Variants in CRKL observed in about 807,000 individuals in gnomAD.
CRKL encodes the protein CRK like proto-oncogene, adaptor protein, also known as crk-like protein.
Under a neutral mutation model 23.0 loss-of-function variants are expected in CRKL, and 3 were observed. That is an observed-to-expected ratio of 0.13 (90% CI 0.06 to 0.34). The LOEUF (loss-of-function observed/expected upper bound fraction) is 0.34, where lower values mean the gene tolerates loss of function less well. Ranked by LOEUF, CRKL falls within the 10% of genes least tolerant of loss-of-function variation. The pLI, the probability that CRKL is intolerant of heterozygous loss-of-function variation, is 1.00. For synonymous variants in CRKL, 188 were observed against 160.7 expected (o/e 1.17, Z -1.28); for missense variants, 256 against 394.5 (o/e 0.65, Z 2.97).
In CRKL at chr22:20,917,805, C is replaced by A; in HGVS notation, c.-130C>A. The A allele has an allele frequency of 1.1e-6, 1 of 874,468 alleles. No individual in the cohort carries two copies. Among genetic ancestry groups the A allele is most frequent in the Non-Finnish European group, 1.7e-6 (1 of 583,176 alleles). 54.2% of individuals were successfully genotyped at this position (874,468 alleles called of 1,614,324 possible). A position where few individuals can be genotyped will look rare whatever the true frequency, so the allele number is the denominator to read the frequency against. Reference sequence around the variant, plus strand: ...AGCCGAGAGGAAAGTGCTGGCCCAGCCCTCTGAGCGCTCCTCGAGGTGTGC... The same window carrying A: ...AGCCGAGAGGAAAGTGCTGGCCCAGACCTCTGAGCGCTCCTCGAGGTGTGC... On this transcript the variant is annotated 5_prime_UTR_variant, in exon 1 of 3. Coordinates refer to ENST00000354336, the MANE Select transcript of CRKL (RefSeq NM_005207.4).
intron 1 of CRKL, among the ~76,000 whole-genome samples, chr22:20,919,145 T>C (rs1051892808): frequency 6.6e-6 from 1 of 151,928 alleles, no homozygotes; most frequent in African/African-American, 2.4e-5. Flanking sequence ...AACCAAAATA[T>C]CAGAACTGTA....
Position 20,918,252 on chromosome 22 carries a change from G to C in CRKL, c.311+7G>C, listed in dbSNP as rs1929762861. The C allele has an allele frequency of 6.2e-7, 1 of 1,612,764 alleles. No individual in the cohort carries two copies. The highest frequency in any genetic ancestry group is 2.2e-5 in the East Asian group (1 of 44,864). The stretch of plus-strand genomic sequence containing the variant: ...TCATCGAGCCTGCGCCCAGGTACGC[G>C]AGAGCCCTCCCCGACCGCGGAGGAA... On this transcript the variant is annotated splice_region_variant and intron_variant, in intron 1 of 2. Transcript: ENST00000354336.
chr22:20,939,720 GT>G (rs1921795520), intron 2 of CRKL, among the ~76,000 whole-genome samples: 1 of 151,440 alleles, frequency 6.6e-6, no homozygotes, highest in Non-Finnish European at 1.5e-5. Context: ...TCCCTCTTGA[GT>G]TTTGTAGTTT....
Position 20,952,081 on chromosome 22 carries a change from G to A in CRKL, c.*2236G>A, listed in dbSNP as rs1337161985. On this transcript the variant is annotated 3_prime_UTR_variant, in exon 3 of 3. Coordinates refer to ENST00000354336, the MANE Select transcript of CRKL (RefSeq NM_005207.4). ...TTTGGCCAGTGACGTGGTTCATCCCGGCCCATGTTGAGCCATGAGTGGAGT... is the reference window on the plus strand; with the variant it reads ...TTTGGCCAGTGACGTGGTTCATCCCAGCCCATGTTGAGCCATGAGTGGAGT... The A allele has an allele frequency of 4.4e-6, 1 of 227,160 alleles. No homozygotes were observed. The highest frequency in any genetic ancestry group is 8.7e-6 in the Non-Finnish European group (1 of 114,338). The allele number at this position is 227,160 out of a possible 1,614,324, so 14.1% of individuals were successfully genotyped here. A position where few individuals can be genotyped will look rare whatever the true frequency, so the allele number is the denominator to read the frequency against.
At chr22:20,935,974 A>G (rs985334028) in intron 2 of CRKL, among the ~76,000 whole-genome samples, 2 of 152,090 alleles carry the variant, frequency 1.3e-5, no homozygotes, top group African/African-American at 4.8e-5. Context: ...GGTCACAGAC[A>G]TGGTGAAACC....
At chr22:20,923,393 C>G (rs1231813508) in intron 1 of CRKL, among the ~76,000 whole-genome samples, 4 of 151,692 alleles carry the variant, frequency 2.6e-5, no homozygotes, top group Non-Finnish European at 4.4e-5. Context: ...TCTCCTGCCT[C>G]AGCCTCTTGA....
chr22:20,919,156 T>A (rs1407957915), intron 1 of CRKL, among the ~76,000 whole-genome samples: 2 of 152,116 alleles, frequency 1.3e-5, no homozygotes, highest in African/African-American at 2.4e-5. Flanking sequence ...CAGAACTGTA[T>A]ATTGATACTG....
chr22:20,940,067 G>A (rs997902561), intron 2 of CRKL, among the ~76,000 whole-genome samples: 1 of 152,118 alleles, frequency 6.6e-6, no homozygotes, highest in Non-Finnish European at 1.5e-5. Flanking sequence ...TGGGATTATA[G>A]GCATGAGCCA....
intron 2 of CRKL, among the ~76,000 whole-genome samples, chr22:20,942,049 A>G (rs1278487759): frequency 6.6e-6 from 1 of 152,166 alleles, no homozygotes; most frequent in Non-Finnish European, 1.5e-5. Context: ...GGGTTCACAG[A>G]GAGAAGTTTA....
intron 2 of CRKL, among the ~76,000 whole-genome samples, chr22:20,943,015 A>AT (rs1372029813): frequency 1.3e-5 from 2 of 151,994 alleles, no homozygotes; most frequent in African/African-American, 4.8e-5. Context: ...GCCAAAAAAA[A>AT]ATTCTTCCAC....
At chr22:20,927,136 AG>A (rs1921242211) in intron 1 of CRKL, among the ~76,000 whole-genome samples, 9 of 139,974 alleles carry the variant, frequency 6.4e-5, no homozygotes, top group African/African-American at 2.1e-4. Flanking sequence ...AAAAAAAAAA[AG>A]AATGGTGGTT....
intron 1 of CRKL, among the ~76,000 whole-genome samples, chr22:20,919,341 A>G (rs1929804474): frequency 6.6e-6 from 1 of 152,166 alleles, no homozygotes; most frequent in Admixed American, 6.6e-5. Flanking sequence ...CCAAGGTGGA[A>G]TTAGGCTAGA....
intron 2 of CRKL, among the ~76,000 whole-genome samples, chr22:20,937,879 T>A (rs912054715): frequency 7.5e-5 from 11 of 146,840 alleles, no homozygotes; most frequent in African/African-American, 2.8e-4. Context: ...ATAAGTAAAT[T>A]TTTTTTTTTT....
chr22:20,941,576 GTGTATA>G (rs1416427526), intron 2 of CRKL, among the ~76,000 whole-genome samples: 1 of 40,546 alleles, frequency 2.5e-5, no homozygotes, highest in African/African-American at 9.9e-5. Context: ...GTGTGTGTGT[GTGTATA>G]TATATATTTT....
At position 20,933,813 on chromosome 22, in the gene CRKL, C is replaced by T. The variant is rs376691633; in HGVS notation, c.346C>T (p.Pro116Ser). 1 of 1,614,028 alleles carries T rather than the reference C, an allele frequency of 6.2e-7. No homozygotes were observed. Among genetic ancestry groups the T allele is most frequent in the African/African-American group, 1.3e-5 (1 of 75,016 alleles). The change falls in exon 2 of 3, where the codon CCC becomes TCC. Residue 116 changes from proline (P) to serine (S), a missense_variant. Transcript: ENST00000354336. The stretch of plus-strand genomic sequence containing the variant: ...CCCACCAATGGGATCTGTCTCAGCA[C>T]CCAACCTGCCTACAGCAGAAGATAA... ...PSPPMGSVSA[P>S]NLPTAEDNLE...
Position 20,951,159 on chromosome 22 carries a change from T to G in CRKL, c.*1314T>G. On this transcript the variant is annotated 3_prime_UTR_variant, in exon 3 of 3. Coordinates refer to ENST00000354336, the MANE Select transcript of CRKL (RefSeq NM_005207.4). Reference sequence around the variant, plus strand: ...TTCATAGAATCGTTGGACTCATTAATGAATCGTTCAACTCCACTCACTGAA... The same window carrying G: ...TTCATAGAATCGTTGGACTCATTAAGGAATCGTTCAACTCCACTCACTGAA... The G allele has an allele frequency of 4.3e-6, 1 of 232,408 alleles. No homozygotes were observed. The highest frequency in any genetic ancestry group is 8.5e-6 in the Non-Finnish European group (1 of 117,504). The allele number at this position is 232,408 out of a possible 1,614,324, so 14.4% of individuals were successfully genotyped here.
At chr22:20,949,592 AC>A in intron 2 of CRKL, 118 bp from the exon 3 acceptor site, 1 of 1,362,522 alleles carries the variant, frequency 7.3e-7, no homozygotes, top group Non-Finnish European at 1.0e-6. Context: ...ACAGAGTGAG[AC>A]CCTGTGTCTA....
At chr22:20,940,494 T>G (rs1472080828) in intron 2 of CRKL, among the ~76,000 whole-genome samples, 1 of 152,028 alleles carries the variant, frequency 6.6e-6, no homozygotes, top group African/African-American at 2.4e-5. Flanking sequence ...AGACTAGTCT[T>G]GGACTCTTAC....
At chr22:20,920,735 C>G (rs1920983513) in intron 1 of CRKL, among the ~76,000 whole-genome samples, 1 of 147,200 alleles carries the variant, frequency 6.8e-6, no homozygotes, top group African/African-American at 2.4e-5. Context: ...TACCTTTGTA[C>G]CTTTGCACCT....
Sources: allele counts gnomAD v4.1 joint callset (sites outside exome capture counted in the v4.1 genomes callset), GRCh38; gene constraint gnomAD v4.1.1; transcripts MANE v1.5; gene names NCBI Gene and HGNC (gene_info 2026-07-23, HGNC 2026-07-21).